FBLN7: variants seen among roughly 807,000 people sequenced by gnomAD.
FBLN7 encodes fibulin 7.
In FBLN7, 31 loss-of-function variants were observed where a neutral mutation model predicts 44.0. That is an observed-to-expected ratio of 0.70 (90% confidence interval 0.53 to 0.95). FBLN7 has a LOEUF of 0.95. Among genes scored for constraint, FBLN7 ranks in the 40% least tolerant of loss-of-function variants. The pLI is 0.00. For missense variants in FBLN7, 573 were observed against 618.5 expected (o/e 0.93, Z 0.78); for synonymous variants, 262 against 253.4 (o/e 1.03, Z -0.32).
chr2:112,159,885 C>A (rs761154225), intron 2 of FBLN7, 50 bp downstream of exon 2: 36 of 1,441,608 alleles, frequency 2.5e-5, no homozygotes, highest in East Asian at 8.6e-5. Context: ...CACTCGAGCA[C>A]TCTCCCCGAG....
the FBLN7 span, chr2:112,216,395 A>G: frequency 1.1e-4 from 17 of 152,410 alleles, no homozygotes; most frequent in East Asian, 3.3e-3. Context: ...CTTGTAAACT[A>G]CTCCAAATCA....
At chr2:112,239,471 T>C in the FBLN7 span, among the ~76,000 whole-genome samples, 4 of 152,098 alleles carry the variant, frequency 2.6e-5, no homozygotes, top group Non-Finnish European at 5.9e-5. Context: ...TGGTCTCTTA[T>C]TTGCTTTCAC....
chr2:112,213,490 G>A, the FBLN7 span: 1 of 151,886 alleles, frequency 6.6e-6, no homozygotes, highest in African/African-American at 2.4e-5. Context: ...TAAAAATTGA[G>A]TTCTGGCCGG....
chr2:112,225,256 C>G, the FBLN7 span, among the ~76,000 whole-genome samples: 1 of 151,688 alleles, frequency 6.6e-6, no homozygotes, highest in Admixed American at 6.6e-5. Context: ...AAAAAACTAA[C>G]AAAAATATGC....
At chr2:112,150,336 C>T (rs1558871655) in intron 1 of FBLN7, among the ~76,000 whole-genome samples, 2 of 151,930 alleles carry the variant, frequency 1.3e-5, no homozygotes, top group East Asian at 1.9e-4. Context: ...TGAACAAAAA[C>T]AGAGGACCAC....
At chr2:112,234,456 T>A in the FBLN7 span, among the ~76,000 whole-genome samples, 1 of 152,206 alleles carries the variant, frequency 6.6e-6, no homozygotes, top group Non-Finnish European at 1.5e-5. Flanking sequence ...TTGTATTGAT[T>A]TGAATATTTT....
the FBLN7 span, chr2:112,234,297 G>C: frequency 1.5e-5 from 20 of 1,307,182 alleles, no homozygotes; most frequent in African/African-American, 2.9e-4. Flanking sequence ...ATTTTATTCT[G>C]TTGCACAAAA....
At chr2:112,145,011 C>T (rs1680838778) in intron 1 of FBLN7, among the ~76,000 whole-genome samples, 2 of 152,182 alleles carry the variant, frequency 1.3e-5, no homozygotes, top group African/African-American at 2.4e-5. Flanking sequence ...TGTTTAACTT[C>T]GTAAGAAACT....
At chr2:112,235,931 A>G in the FBLN7 span, among the ~76,000 whole-genome samples, 4 of 87,346 alleles carry the variant, frequency 4.6e-5, no homozygotes, top group Non-Finnish European at 8.7e-5. Context: ...TTGATAGTAT[A>G]ACACTAAAAA....
the FBLN7 span, among the ~76,000 whole-genome samples, chr2:112,218,514 C>A: frequency 2.6e-5 from 4 of 152,134 alleles, no homozygotes; most frequent in Non-Finnish European, 2.9e-5. Context: ...AAACAATGAA[C>A]AGTCTAAAAA....
At chr2:112,181,343 A>C (rs1682980755) in intron 4 of FBLN7, among the ~76,000 whole-genome samples, 1 of 151,344 alleles carries the variant, frequency 6.6e-6, no homozygotes, top group Non-Finnish European at 1.5e-5. Context: ...AAAATAATAA[A>C]ATAAAGAATA....
chr2:112,238,372 T>G, the FBLN7 span: 10 of 1,613,700 alleles, frequency 6.2e-6, no homozygotes, highest in African/African-American at 6.7e-5. Context: ...TGAGCAGCAT[T>G]TGCCATTTCT....
chr2:112,140,299 C>G (rs1026338237), intron 1 of FBLN7, among the ~76,000 whole-genome samples: 1 of 151,716 alleles, frequency 6.6e-6, no homozygotes, highest in Non-Finnish European at 1.5e-5. Flanking sequence ...CCGCCTCTCT[C>G]CAGGTCAGTG....
chr2:112,222,907 T>C, the FBLN7 span, among the ~76,000 whole-genome samples: 1 of 152,220 alleles, frequency 6.6e-6, no homozygotes, highest in Non-Finnish European at 1.5e-5. Context: ...AATTGTACAT[T>C]TACAAATGGT....
the FBLN7 span, among the ~76,000 whole-genome samples, chr2:112,203,489 C>A: frequency 6.6e-6 from 1 of 152,036 alleles, no homozygotes; most frequent in Non-Finnish European, 1.5e-5. Context: ...AACAAGCAAA[C>A]CCTGGATGGA....
chr2:112,185,935 A>G (rs557054796), intron 7 of FBLN7, among the ~76,000 whole-genome samples: 1 of 151,760 alleles, frequency 6.6e-6, no homozygotes, highest in Non-Finnish European at 1.5e-5. Flanking sequence ...ATCACAAAGC[A>G]CATACATTTT....
the FBLN7 span, among the ~76,000 whole-genome samples, chr2:112,220,039 C>A: frequency 9.6e-4 from 146 of 152,294 alleles, 2 homozygotes; most frequent in African/African-American, 3.3e-3. Flanking sequence ...AGCCTAAGGG[C>A]GTCATTGCAT....
Position 112,138,405 on chromosome 2 carries a change from C to T in FBLN7, c.-251C>T, listed in dbSNP as rs989817364. 7.1e-5 allele frequency: 15 copies of T among 211,408 alleles called. No homozygotes were observed. Among genetic ancestry groups the T allele is most frequent in the African/African-American group, 3.3e-4 (14 of 42,664 alleles). 13.1% of individuals were successfully genotyped at this position (211,408 alleles called of 1,614,324 possible). A position where few individuals can be genotyped will look rare whatever the true frequency, so the allele number is the denominator to read the frequency against. The stretch of plus-strand genomic sequence containing the variant: ...TCGTCCTTAGCCCAGGGGCCGGCGC[C>T]TCCCCGCCTCGCGCGGACTGTCTCG... On this transcript the variant is annotated 5_prime_UTR_variant, in exon 1 of 8. Transcript: ENST00000331203.
At chr2:112,210,659 A>G in the FBLN7 span, among the ~76,000 whole-genome samples, 1 of 142,232 alleles carries the variant, frequency 7.0e-6, no homozygotes, top group African/African-American at 2.9e-5. Flanking sequence ...CTGTCTCAAA[A>G]AAAAAAAAAA....
Sources: gnomAD v4.1 joint callset for allele counts (sites outside exome capture counted in the v4.1 genomes callset) on GRCh38, gnomAD v4.1.1 for gene constraint, MANE v1.5 for transcripts, NCBI Gene and HGNC (gene_info 2026-07-23, HGNC 2026-07-21) for gene names.